Variants in ATP2B2 observed in about 807,000 individuals in gnomAD.
The protein encoded by ATP2B2 is ATPase plasma membrane Ca2+ transporting 2.
Under a neutral mutation model 120.0 loss-of-function variants are expected in ATP2B2, and 15 were observed. The observed-to-expected ratio is 0.12, with a 90% CI of 0.08 to 0.19. The LOEUF is 0.19. Among genes scored for constraint, ATP2B2 ranks in the 10% least tolerant of loss-of-function variants. The pLI is 1.00. For synonymous variants in ATP2B2, 694 were observed against 700.3 expected, an observed-to-expected ratio of 0.99 and a Z score of 0.14; for missense variants, 1,045 against 1,719.8, an observed-to-expected ratio of 0.61 and a Z score of 6.94.
At chr3:10,637,522 C>A (rs2070055130) in intron 1 of ATP2B2, among the ~76,000 whole-genome samples, 1 of 152,038 alleles carries the variant, frequency 6.6e-6, no homozygotes, top group African/African-American at 2.4e-5. Context: ...TGGATGGGCT[C>A]AATAGCAGAT....
chr3:10,546,793 G>A (rs1484348139), intron 2 of ATP2B2, among the ~76,000 whole-genome samples: 2 of 152,194 alleles, frequency 1.3e-5, no homozygotes, highest in African/African-American at 2.4e-5. Flanking sequence ...CTTAGAGGAA[G>A]ACCTCGTATC....
chr3:10,581,745 T>G (rs768878289), intron 2 of ATP2B2, among the ~76,000 whole-genome samples: 1 of 152,210 alleles, frequency 6.6e-6, no homozygotes, highest in Non-Finnish European at 1.5e-5. Context: ...AAGGGCACAA[T>G]CCATCTGACC....
chr3:10,670,389 G>A (rs963152562), intron 1 of ATP2B2, among the ~76,000 whole-genome samples: 6 of 152,122 alleles, frequency 3.9e-5, no homozygotes, highest in African/African-American at 1.4e-4. Flanking sequence ...CTTAGAGAAG[G>A]TAAGTCTTGG....
rs2062196336 is a variant in ATP2B2, at chr3:10,400,872, C to T, written c.781+81G>A. On this transcript the variant is annotated intron_variant, in intron 5 of 22. Coordinates refer to ENST00000360273, the MANE Select transcript of ATP2B2 (RefSeq NM_001001331.4). ...AGCCAAGGATCAAAGTCTCTGAGTC[C>T]CTTCAGCCTCATGAAGGGGACACAC... 3.1e-6 allele frequency: 5 copies of T among 1,599,406 alleles called. No individual in the cohort carries two copies. In the South Asian group the frequency reaches 5.5e-5, roughly 18 times the overall value.
intron 2 of ATP2B2, among the ~76,000 whole-genome samples, chr3:10,415,394 T>A (rs1195434521): frequency 6.6e-6 from 1 of 152,082 alleles, no homozygotes; most frequent in Non-Finnish European, 1.5e-5. Flanking sequence ...AAGGGGTCAG[T>A]CAAGGTGAGG....
intron 1 of ATP2B2, among the ~76,000 whole-genome samples, chr3:10,456,443 C>T (rs1039402944): frequency 1.6e-4 from 24 of 152,156 alleles, no homozygotes; most frequent in Non-Finnish European, 2.9e-4. Context: ...GGGCAGGGCT[C>T]TTAATCCTCT....
At chr3:10,484,008 G>T (rs2065524165) in intron 1 of ATP2B2, among the ~76,000 whole-genome samples, 1 of 152,182 alleles carries the variant, frequency 6.6e-6, no homozygotes, top group African/African-American at 2.4e-5. Flanking sequence ...ACAAGCCCAG[G>T]CTCCATTTCT....
chr3:10,528,820 G>A (rs1421067540), intron 3 of ATP2B2, among the ~76,000 whole-genome samples: 1 of 152,228 alleles, frequency 6.6e-6, no homozygotes, highest in African/African-American at 2.4e-5. Flanking sequence ...TTAAGCAGGT[G>A]CGTTGGCTCA....
At chr3:10,446,864 A>G (rs2063854001) in intron 2 of ATP2B2, among the ~76,000 whole-genome samples, 1 of 152,214 alleles carries the variant, frequency 6.6e-6, no homozygotes, top group Non-Finnish European at 1.5e-5. Context: ...TAGAGATGTC[A>G]TTATTGTTTC....
intron 12 of ATP2B2, among the ~76,000 whole-genome samples, chr3:10,365,780 T>C (rs1281321976): frequency 7.2e-6 from 1 of 139,858 alleles, no homozygotes; most frequent in Non-Finnish European, 1.6e-5. Context: ...TGTATGTGTA[T>C]GGTACGTACT....
intron 22 of ATP2B2, among the ~76,000 whole-genome samples, chr3:10,333,387 T>C (rs2060033631): frequency 6.6e-6 from 1 of 152,058 alleles, no homozygotes; most frequent in African/African-American, 2.4e-5. Flanking sequence ...ATTGGGGCCC[T>C]TCTGTCACTT....
At chr3:10,390,887 G>T (rs2061828834) in intron 5 of ATP2B2, among the ~76,000 whole-genome samples, 1 of 152,166 alleles carries the variant, frequency 6.6e-6, no homozygotes, top group Admixed American at 6.5e-5. Context: ...ACCCTGCTGA[G>T]GGCCAGTAAC....
intron 1 of ATP2B2, among the ~76,000 whole-genome samples, chr3:10,487,307 C>T (rs1027631429): frequency 1.3e-5 from 2 of 152,038 alleles, no homozygotes; most frequent in Non-Finnish European, 2.9e-5. Flanking sequence ...GATATACACC[C>T]CAAAACAAAT....
intron 1 of ATP2B2, among the ~76,000 whole-genome samples, chr3:10,668,936 G>A (rs1432396127): frequency 1.3e-5 from 2 of 152,220 alleles, no homozygotes; most frequent in Non-Finnish European, 2.9e-5. Flanking sequence ...GAGGAGAGCC[G>A]CACTGTTCTG....
intron 1 of ATP2B2, among the ~76,000 whole-genome samples, chr3:10,493,403 AG>A (rs2066010268): frequency 6.6e-6 from 1 of 152,040 alleles, no homozygotes; most frequent in East Asian, 1.9e-4. Context: ...GACAGGAAAG[AG>A]GCTGATGAGT....
At chr3:10,596,815 AAC>A (rs1431255603) in intron 2 of ATP2B2, among the ~76,000 whole-genome samples, 3 of 152,228 alleles carry the variant, frequency 2.0e-5, no homozygotes, top group African/African-American at 7.2e-5. Flanking sequence ...GGATGGGAGA[AAC>A]ACACAGTCAA....
At position 10,577,734 on chromosome 3, in the gene ATP2B2, C is replaced by T. The variant is rs137866014; in HGVS notation, c.-415+42183G>A. ...TGGCAAGCTCATGGGGATGCATTCC[C>T]GGCAGCGTGACTCGGAATGGCAGGG... is the stretch of plus-strand genomic sequence containing the variant. On this transcript the variant is annotated intron_variant, in intron 2 of 21. Transcript: ENST00000646379. Among the ~76,000 whole-genome samples, 504 of 152,290 alleles carry T rather than the reference C, an allele frequency of 3.3e-3. 3 individuals carry two copies. Among genetic ancestry groups the T allele is most frequent in the African/African-American group, 0.012 (478 of 41,552 alleles).
chr3:10,399,169 C>T (rs982020828), intron 5 of ATP2B2, among the ~76,000 whole-genome samples: 1 of 152,240 alleles, frequency 6.6e-6, no homozygotes, highest in Non-Finnish European at 1.5e-5. Context: ...GAGGACATAC[C>T]TGGCCACTGC....
chr3:10,398,900 C>T (rs1268338452), intron 5 of ATP2B2, among the ~76,000 whole-genome samples: 1 of 152,212 alleles, frequency 6.6e-6, no homozygotes, highest in East Asian at 1.9e-4. Flanking sequence ...CCTGCCCCTG[C>T]TCCGAGACCC....
Sources: allele counts gnomAD v4.1 joint callset (sites outside exome capture counted in the v4.1 genomes callset), GRCh38; gene constraint gnomAD v4.1.1; transcripts MANE v1.5; gene names NCBI Gene and HGNC (gene_info 2026-07-23, HGNC 2026-07-21).